The following UGT1A9 variants were observed in gnomAD, a reference collection of about 807,000 sequenced individuals.
UGT1A9 encodes UDP glucuronosyltransferase family 1 member A9, also known as UDP-glucuronosyltransferase 1A9.
A neutral mutation model predicts 45.0 loss-of-function variants in UGT1A9; 35 were observed. That is an observed-to-expected ratio of 0.78 (90% CI 0.59 to 1.03). The LOEUF is 1.03. UGT1A9 is among the 50% of genes least tolerant of loss of function. The pLI is 0.00. For synonymous variants in UGT1A9, 278 were observed against 250.6 expected, an observed-to-expected ratio of 1.11 and a Z score of -1.03; for missense variants, 687 against 666.6, an observed-to-expected ratio of 1.03 and a Z score of -0.34.
rs1199307849 is a variant in UGT1A9, at chr2:233,672,150, C to T, written c.216C>T (p.Cys72=). 1 of 1,614,182 alleles carries T rather than the reference C, an allele frequency of 6.2e-7. No homozygotes were observed. The highest frequency in any genetic ancestry group is 8.5e-7 in the Non-Finnish European group (1 of 1,180,012). Residue 72 remains cysteine (C), a synonymous_variant, in exon 1 of 5, where the codon TGC becomes TGT. Coordinates refer to ENST00000354728, the MANE Select transcript of UGT1A9 (RefSeq NM_021027.3). ...GGCAACTGGGAAGATCACTGAATTG[C>T]ACAGTGAAGACTTATTCAACTTCAT... The part of the protein sequence containing the change: ...VSWQLGRSLN[C]TVKTYSTSYT...
At chr2:233,682,942 T>C in intron 1 of UGT1A9, 2 of 1,422,272 alleles carry the variant, frequency 1.4e-6, no homozygotes, top group Non-Finnish European at 1.9e-6. Context: ...CACTTAATTG[T>C]TGGGTAGCAA....
At chr2:233,751,042 C>T (rs1694623923) in intron 1 of UGT1A9, among the ~76,000 whole-genome samples, 1 of 151,808 alleles carries the variant, frequency 6.6e-6, no homozygotes, top group South Asian at 2.1e-4. Flanking sequence ...CACTGTGTGC[C>T]TGGAAAAGAC....
chr2:233,747,777 A>T (rs1038765158), intron 1 of UGT1A9: 20 of 1,613,544 alleles, frequency 1.2e-5, no homozygotes, highest in Non-Finnish European at 1.3e-5. Context: ...ACAGTGTCCA[A>T]ATCCTTCCTC....
Position 233,767,220 on chromosome 2 carries a change from C to T in UGT1A9, c.987+55C>T. 2.5e-6 allele frequency: 4 copies of T among 1,611,656 alleles called. No individual in the cohort carries two copies. In the South Asian group the frequency reaches 4.4e-5, roughly 18 times the overall value. ...TCTATTTTCACAGGAGCGCTAATCC[C>T]AGACTTCCAGCTTCCAGATTAATTC... On this transcript the variant is annotated intron_variant, in intron 2 of 4. Coordinates refer to ENST00000354728, the MANE Select transcript of UGT1A9 (RefSeq NM_021027.3).
intron 1 of UGT1A9, chr2:233,682,294 A>G (rs747717914): frequency 1.2e-6 from 2 of 1,614,104 alleles, no homozygotes; most frequent in Non-Finnish European, 1.7e-6. Context: ...TTTTTGACTT[A>G]TTTTTTTCAA....
intron 1 of UGT1A9, among the ~76,000 whole-genome samples, chr2:233,705,689 G>C (rs551637021): frequency 6.6e-6 from 1 of 152,268 alleles, no homozygotes; most frequent in South Asian, 2.1e-4. Flanking sequence ...CACAACGACT[G>C]GTATAAAAAT....
At chr2:233,707,732 A>G (rs1475890268) in intron 1 of UGT1A9, among the ~76,000 whole-genome samples, 1 of 152,222 alleles carries the variant, frequency 6.6e-6, no homozygotes, top group East Asian at 1.9e-4. Flanking sequence ...GTTACAACGA[A>G]CATTCTTTTA....
chr2:233,690,006 C>T (rs368149285), intron 1 of UGT1A9: 1 of 443,134 alleles, frequency 2.3e-6, no homozygotes, highest in African/African-American at 2.0e-5. Flanking sequence ...CTTCATCTCA[C>T]CATTTTGGAC....
intron 1 of UGT1A9, among the ~76,000 whole-genome samples, chr2:233,709,856 G>A (rs1334446002): frequency 1.3e-5 from 2 of 152,118 alleles, no homozygotes; most frequent in Admixed American, 6.5e-5. Flanking sequence ...TTCAAGACAC[G>A]GAGCACTCCA....
At chr2:233,713,015 C>T (rs777835702) in intron 1 of UGT1A9, 5 of 1,613,700 alleles carry the variant, frequency 3.1e-6, no homozygotes, top group South Asian at 1.1e-5. Context: ...TCCAGGTTCC[C>T]CTGCCGCAGC....
chr2:233,711,387 G>A (rs1236351925), intron 1 of UGT1A9, among the ~76,000 whole-genome samples: 2 of 152,246 alleles, frequency 1.3e-5, no homozygotes, highest in African/African-American at 2.4e-5. Context: ...CCTCCCAGGT[G>A]TGTTCCACCC....
At chr2:233,724,339 G>GA in intron 1 of UGT1A9, among the ~76,000 whole-genome samples, 1 of 142,786 alleles carries the variant, frequency 7.0e-6, no homozygotes, top group East Asian at 2.2e-4. Context: ...GCGGGGGGCT[G>GA]ACCCCCCCCA....
intron 1 of UGT1A9, among the ~76,000 whole-genome samples, chr2:233,762,541 G>A (rs1437791654): frequency 6.6e-6 from 1 of 152,290 alleles, no homozygotes; most frequent in African/African-American, 2.4e-5. Flanking sequence ...GTGTACCACA[G>A]TGTATTCTGC....
intron 1 of UGT1A9, among the ~76,000 whole-genome samples, chr2:233,674,619 A>G (rs1289670795): frequency 6.6e-6 from 1 of 150,640 alleles, no homozygotes; most frequent in Non-Finnish European, 1.5e-5. Flanking sequence ...CAAACTATAT[A>G]TGGTTTCATT....
In UGT1A9 at chr2:233,769,571, G is replaced by A. The variant is rs1223462167; in HGVS notation, c.1295+1132G>A. On this transcript the variant is annotated intron_variant, in intron 4 of 4. Coordinates refer to ENST00000354728, the MANE Select transcript of UGT1A9 (RefSeq NM_021027.3). This position sits in a 1 kb window ranked among gnomAD's most constrained non-coding sequence, Gnocchi z 4.4. ...AGGAAGACAGATGTGAAGAGCTGGAGCATGTTCAGATGAGAGGAGACGGAA... is the reference window on the plus strand; with the variant it reads ...AGGAAGACAGATGTGAAGAGCTGGAACATGTTCAGATGAGAGGAGACGGAA... 1 of 1,612,768 alleles carries A rather than the reference G, an allele frequency of 6.2e-7. No homozygotes were observed. The highest frequency in any genetic ancestry group is 1.3e-5 in the African/African-American group (1 of 74,922).
chr2:233,694,741 T>C (rs1294655016), intron 1 of UGT1A9, among the ~76,000 whole-genome samples: 3 of 152,224 alleles, frequency 2.0e-5, no homozygotes, highest in Admixed American at 6.5e-5. Flanking sequence ...ATTTGAACAG[T>C]TGGCAGTAGC....
At position 233,772,686 on chromosome 2, in the gene UGT1A9, C is replaced by T. The variant is rs1700541749; in HGVS notation, c.*127C>T. The T allele has an allele frequency of 2.0e-6, 3 of 1,495,122 alleles. No individual in the cohort carries two copies. The highest frequency in any genetic ancestry group is 2.4e-5 in the Admixed American group (1 of 41,056). 92.6% of individuals were successfully genotyped at this position (1,495,122 alleles called of 1,614,324 possible). A position where few individuals can be genotyped will look rare whatever the true frequency, so the allele number is the denominator to read the frequency against. On this transcript the variant is annotated 3_prime_UTR_variant, in exon 5 of 5. Coordinates refer to ENST00000354728, the MANE Select transcript of UGT1A9 (RefSeq NM_021027.3). ...ATACTTTGCATAAATTAATCAGCCCCAGAGTGCTTTAAAAAATTCTCTTAA... is the reference window on the plus strand; with the variant it reads ...ATACTTTGCATAAATTAATCAGCCCTAGAGTGCTTTAAAAAATTCTCTTAA...
At chr2:233,758,820 C>A (rs1028156613) in intron 1 of UGT1A9, among the ~76,000 whole-genome samples, 1 of 152,084 alleles carries the variant, frequency 6.6e-6, no homozygotes, top group African/African-American at 2.4e-5. Flanking sequence ...GCAGTATATC[C>A]CCCCCAAAAA....
chr2:233,696,338 A>T (rs1470953222), intron 1 of UGT1A9, among the ~76,000 whole-genome samples: 1 of 152,104 alleles, frequency 6.6e-6, no homozygotes, highest in Non-Finnish European at 1.5e-5. Context: ...CCTTATACAG[A>T]TCTTTCACTT....
Sources: gnomAD v4.1 joint callset for allele counts (sites outside exome capture counted in the v4.1 genomes callset) on GRCh38, gnomAD v4.1.1 for gene constraint, Gnocchi (gnomAD v3.1) non-coding constraint, MANE v1.5 for transcripts, NCBI Gene and HGNC (gene_info 2026-07-23, HGNC 2026-07-21) for gene names.